DDX4: variants seen among roughly 807,000 people sequenced by gnomAD.
The protein encoded by DDX4 is probable ATP-dependent RNA helicase DDX4.
A neutral mutation model predicts 100.0 loss-of-function variants in DDX4; 25 were observed. That is an observed-to-expected ratio of 0.25 (90% CI 0.18 to 0.35). The LOEUF (loss-of-function observed/expected upper bound fraction) is 0.35, where lower values mean the gene tolerates loss of function less well. Ranked by LOEUF, DDX4 falls within the 10% of genes least tolerant of loss-of-function variation. The probability of loss-of-function intolerance (pLI) is 1.00; values close to 1 mark genes in which losing one functional copy is unlikely to be tolerated. For missense variants in DDX4, 635 were observed against 882.4 expected, an observed-to-expected ratio of 0.72 and a Z score of 3.55; for synonymous variants, 259 against 275.7, an observed-to-expected ratio of 0.94 and a Z score of 0.60.
chr5:55,770,380 G>C (rs576085986), intron 7 of DDX4, among the ~76,000 whole-genome samples: 47 of 152,260 alleles, frequency 3.1e-4, no homozygotes, highest in African/African-American at 1.1e-3. Context: ...AAGTCTAGCT[G>C]TATTTCACCA....
intron 7 of DDX4, among the ~76,000 whole-genome samples, chr5:55,773,544 A>G: frequency 6.6e-6 from 1 of 152,098 alleles, no homozygotes; most frequent in African/African-American, 2.4e-5. Context: ...ATTTCTCCAC[A>G]TCCACCGATA....
intron 14 of DDX4, among the ~76,000 whole-genome samples, chr5:55,786,913 C>G (rs896064776): frequency 5.3e-5 from 8 of 152,156 alleles, no homozygotes; most frequent in Admixed American, 2.6e-4. Context: ...GCAGCTCTTT[C>G]TGAAACATGG....
intron 3 of DDX4, among the ~76,000 whole-genome samples, chr5:55,755,868 A>G (rs1457218606): frequency 6.6e-6 from 1 of 152,142 alleles, no homozygotes; most frequent in Non-Finnish European, 1.5e-5. Context: ...CAGCATTATT[A>G]ACAGCACCCT....
intron 4 of DDX4, 101 bp downstream of exon 4, chr5:55,760,378 C>A: frequency 8.2e-7 from 1 of 1,225,448 alleles, no homozygotes; most frequent in Non-Finnish European, 1.1e-6. Flanking sequence ...TGTTGTAAGT[C>A]AGTGTGTAGT....
rs1322571170 is a variant in DDX4 at position 55,786,540 on chromosome 5, G to C, written c.887G>C (p.Cys296Ser). ...AILTFEEANL[C>S]QTLNNNIAKA... ...CAGACTTTTGAAGAAGCTAATCTCT[G>C]TCAGACACTGAATAACAACATTGCT... Residue 296 changes from cysteine to serine, a missense_variant, in exon 14 of 22, where the codon TGT (cysteine) becomes TCT (serine). Coordinates refer to ENST00000505374, the MANE Select transcript of DDX4 (RefSeq NM_024415.3). The C allele has an allele frequency of 6.2e-7, 1 of 1,612,672 alleles. No individual in the cohort carries two copies. Among genetic ancestry groups the C allele is most frequent in the Admixed American group, 1.7e-5 (1 of 59,910 alleles).
chr5:55,796,919 G>A (rs1405675596), intron 17 of DDX4, among the ~76,000 whole-genome samples: 1 of 127,106 alleles, frequency 7.9e-6, no homozygotes, highest in Non-Finnish European at 1.6e-5. Context: ...ATGGTTCACT[G>A]CCACCTTGAC....
At chr5:55,738,849 G>C in intron 1 of DDX4, 101 bp from the exon 2 acceptor site, 1 of 750,346 alleles carries the variant, frequency 1.3e-6, no homozygotes, top group East Asian at 2.5e-5. Context: ...CACCTAGTTG[G>C]GTAGTTTCAA....
chr5:55,767,283 A>G (rs1431105451), intron 6 of DDX4, among the ~76,000 whole-genome samples: 1 of 152,230 alleles, frequency 6.6e-6, no homozygotes, highest in African/African-American at 2.4e-5. Flanking sequence ...TCTCCTAAAA[A>G]TACAAAAATT....
At chr5:55,765,291 A>C (rs180734902) in intron 6 of DDX4, among the ~76,000 whole-genome samples, 3 of 151,272 alleles carry the variant, frequency 2.0e-5, no homozygotes, top group African/African-American at 7.3e-5. Flanking sequence ...GGAGCTTTTG[A>C]ATACAAATTC....
At chr5:55,783,025 C>A (rs1419408501) in intron 10 of DDX4, among the ~76,000 whole-genome samples, 1 of 152,034 alleles carries the variant, frequency 6.6e-6, no homozygotes, top group African/African-American at 2.4e-5. Flanking sequence ...CTCCTGACCT[C>A]AGGTGATCTG....
rs537976417 is a variant in DDX4 at position 55,775,148 on chromosome 5, T to G, written c.395-4816T>G. ...TCCTGTCGTATTTGGCTTATTTTACTTAGCATCTTGTTTTCAGTGTTCATC... is the reference window on the plus strand; with the variant it reads ...TCCTGTCGTATTTGGCTTATTTTACGTAGCATCTTGTTTTCAGTGTTCATC... On this transcript the variant is annotated intron_variant, in intron 7 of 21. Transcript: ENST00000505374. Among the ~76,000 whole-genome samples the G allele has an allele frequency of 8.5e-5, 13 of 152,352 alleles. No individual in the cohort carries two copies. The South Asian group carries it at 2.7e-3, about 32-fold the overall frequency.
chr5:55,815,780 T>C (rs954021929), intron 21 of DDX4, among the ~76,000 whole-genome samples: 3 of 150,880 alleles, frequency 2.0e-5, no homozygotes, highest in African/African-American at 7.3e-5. Context: ...TTTTCTTTTT[T>C]TTTTTTTTTG....
rs570612194 is a variant in DDX4, at chr5:55,764,942, A to C, written c.334+878A>C. Among the ~76,000 whole-genome samples the C allele has an allele frequency of 6.6e-5, 10 of 152,286 alleles. No individual in the cohort carries two copies. The South Asian group carries it at 1.9e-3, about 28-fold the overall frequency. On this transcript the variant is annotated intron_variant, in intron 6 of 21. Coordinates refer to ENST00000505374, the MANE Select transcript of DDX4 (RefSeq NM_024415.3). ...ATATTTGAAGCTGATCTTATTAAACACTTTGATTCCCAAAGTCAAAACCAA... is the reference window on the plus strand; with the variant it reads ...ATATTTGAAGCTGATCTTATTAAACCCTTTGATTCCCAAAGTCAAAACCAA...
chr5:55,815,503 T>G, intron 21 of DDX4, 80 bp downstream of exon 21: 2 of 1,458,586 alleles, frequency 1.4e-6, no homozygotes, highest in South Asian at 3.3e-5. Flanking sequence ...GAAGTAACTA[T>G]AATATTTAAT....
At position 55,758,868 on chromosome 5, in the gene DDX4, TAAAAAAAAAAAAA is replaced by T. The variant is rs35392036; in HGVS notation, c.128-1314_128-1302del. ...AGCTGCTGTATTACGTTTGTTTCCT[TAAAAAAAAAAAAA>T]AAAAAAAAAAAAAAAAAGAGGCAGA... On this transcript the variant is annotated intron_variant, in intron 3 of 21. Transcript: ENST00000505374. Among the ~76,000 whole-genome samples, 59 of 70,324 alleles carry T rather than the reference TAAAAAAAAAAAAA, an allele frequency of 8.4e-4. No individual in the cohort carries two copies. The East Asian group carries it at 0.014, about 16-fold the overall frequency. The allele number at this position is 70,324 out of a possible 152,430, so 46.1% of individuals were successfully genotyped here. A position where few individuals can be genotyped will look rare whatever the true frequency, so the allele number is the denominator to read the frequency against.
At chr5:55,770,853 T>TA (rs2111886666) in intron 7 of DDX4, among the ~76,000 whole-genome samples, 1 of 152,334 alleles carries the variant, frequency 6.6e-6, no homozygotes, top group Non-Finnish European at 1.5e-5. Context: ...TTAATGTTCC[T>TA]AAAACATAGC....
In DDX4 at chr5:55,780,023, A is replaced by G. The variant is rs1741810168; in HGVS notation, c.454A>G (p.Ser152Gly). The change falls in exon 8 of 22, where the codon AGT (serine) becomes GGT (glycine). Residue 152 changes from serine to glycine, a missense_variant. This residue lies in a region of DDX4 where 446 missense variants were observed against 540.8 expected (regional missense o/e 0.82). Transcript: ENST00000505374. The stretch of plus-strand genomic sequence containing the variant: ...GCCATACAGAAGAGGTGGAAGAGGT[A>G]GTTTCCGAGGTTGCCGTGGAGGATT... ...SGPYRRGGRG[S>G]FRGCRGGFGL... The G allele has an allele frequency of 6.2e-6, 10 of 1,613,948 alleles. No homozygotes were observed. Among genetic ancestry groups the G allele is most frequent in the Middle Eastern group, 1.6e-4 (1 of 6,084 alleles).
rs778103451 is a variant in DDX4, at chr5:55,798,578, T to TA, written c.1615+8dup. On this transcript the variant is annotated splice_region_variant and intron_variant, in intron 18 of 21. Transcript: ENST00000505374. Reference sequence around the variant, plus strand: ...GAAATTCTGCGAAACATAGGTATCTTACGTTGATACATTTTTTTGTCATGA... The same window carrying TA: ...GAAATTCTGCGAAACATAGGTATCTTAACGTTGATACATTTTTTTGTCATGA... The TA allele has an allele frequency of 1.0e-5, 16 of 1,572,346 alleles. No individual in the cohort carries two copies. Among genetic ancestry groups the TA allele is most frequent in the Non-Finnish European group, 1.3e-5 (15 of 1,164,426 alleles).
Position 55,816,668 on chromosome 5 carries a change from C to G in DDX4, c.*128C>G. On this transcript the variant is annotated 3_prime_UTR_variant, in exon 22 of 22. Transcript: ENST00000505374. ...CTGTCCTTGTATTCTCACTCCTACA[C>G]TTAAAAAAAAAATCCTTACTGACTA... The G allele has an allele frequency of 2.8e-6, 4 of 1,428,652 alleles. No homozygotes were observed. The highest frequency in any genetic ancestry group is 3.7e-6 in the Non-Finnish European group (4 of 1,082,948). The allele number at this position is 1,428,652 out of a possible 1,614,324, so 88.5% of individuals were successfully genotyped here.
Sources: allele counts gnomAD v4.1 joint callset (sites outside exome capture counted in the v4.1 genomes callset), GRCh38; gene constraint gnomAD v4.1.1; regional missense constraint gnomAD v4.1.1; transcripts MANE v1.5; gene names NCBI Gene and HGNC (gene_info 2026-07-23, HGNC 2026-07-21).